FSTL5: variants seen among roughly 807,000 people sequenced by gnomAD.
The protein encoded by FSTL5 is follistatin-related protein 5.
In FSTL5, 62 loss-of-function variants were observed where a neutral mutation model predicts 89.1. That is an observed-to-expected ratio of 0.70 (90% CI 0.57 to 0.86). The LOEUF (loss-of-function observed/expected upper bound fraction) is 0.86, where lower values mean the gene tolerates loss of function less well. Among genes scored for constraint, FSTL5 ranks in the 40% least tolerant of loss-of-function variants. The pLI, the probability that FSTL5 is intolerant of heterozygous loss-of-function variation, is 0.00. For synonymous variants in FSTL5, 383 were observed against 346.2 expected (o/e 1.11, Z -1.18); for missense variants, 1,057 against 1,001.6 (o/e 1.06, Z -0.75).
At chr4:161,686,326 A>T (rs1403784611) in intron 6 of FSTL5, among the ~76,000 whole-genome samples, 3 of 10,508 alleles carry the variant, frequency 2.9e-4, no homozygotes, top group Non-Finnish European at 4.7e-4. Context: ...ATATATATAT[A>T]TATATATATA....
At chr4:162,063,882 G>C (rs1738801451) in intron 2 of FSTL5, among the ~76,000 whole-genome samples, 1 of 151,906 alleles carries the variant, frequency 6.6e-6, no homozygotes, top group Non-Finnish European at 1.5e-5. Flanking sequence ...CTCCTTGAAA[G>C]TGTTTCATTC....
intron 12 of FSTL5, among the ~76,000 whole-genome samples, chr4:161,485,012 A>G (rs904925494): frequency 1.3e-5 from 2 of 152,166 alleles, no homozygotes; most frequent in African/African-American, 4.8e-5. Context: ...AAGGAGTACA[A>G]TTTCATGACA....
At chr4:161,474,700 C>T (rs1734066894) in intron 13 of FSTL5, among the ~76,000 whole-genome samples, 1 of 151,996 alleles carries the variant, frequency 6.6e-6, no homozygotes, top group Admixed American at 6.6e-5. Context: ...CACCCGCCAC[C>T]ACGCCTGGCT....
At chr4:161,506,059 G>A (rs1730468533) in intron 11 of FSTL5, among the ~76,000 whole-genome samples, 1 of 151,790 alleles carries the variant, frequency 6.6e-6, no homozygotes, top group Non-Finnish European at 1.5e-5. Context: ...TACTTTTATA[G>A]GCCCTGTTAT....
At chr4:161,912,376 T>C (rs959011593) in intron 4 of FSTL5, among the ~76,000 whole-genome samples, 1 of 152,130 alleles carries the variant, frequency 6.6e-6, no homozygotes, top group African/African-American at 2.4e-5. Context: ...CATGTGTTGT[T>C]GGAGGGACCC....
chr4:161,677,121 T>C (rs777970849), intron 6 of FSTL5, among the ~76,000 whole-genome samples: 5 of 152,074 alleles, frequency 3.3e-5, no homozygotes, highest in Non-Finnish European at 7.4e-5. Context: ...AGGGAATTTA[T>C]ATGTAACTGA....
At chr4:161,987,810 C>A (rs1377532484) in intron 3 of FSTL5, among the ~76,000 whole-genome samples, 1 of 151,524 alleles carries the variant, frequency 6.6e-6, no homozygotes, top group Non-Finnish European at 1.5e-5. Flanking sequence ...CTGAGCACAC[C>A]TTCAACTAAA....
At chr4:161,912,978 T>C (rs921396323) in intron 4 of FSTL5, among the ~76,000 whole-genome samples, 8 of 152,134 alleles carry the variant, frequency 5.3e-5, no homozygotes, top group African/African-American at 9.7e-5. Flanking sequence ...CCCCAGAAAT[T>C]TGTGGAACTC....
intron 7 of FSTL5, among the ~76,000 whole-genome samples, chr4:161,640,764 C>T (rs977262380): frequency 7.5e-6 from 1 of 133,566 alleles, no homozygotes; most frequent in Non-Finnish European, 1.5e-5. Flanking sequence ...GCAGAAAACT[C>T]TCCCAATTTA....
Position 162,112,769 on chromosome 4 carries a change from A to ACACAAT in FSTL5, c.-16-1363_-16-1358dup, listed in dbSNP as rs1038284705. ...TTTTTAGCTTTCTCAAAGCTAACCG[A>ACACAAT]CACAATCACACACACACACACACAC... On this transcript the variant is annotated intron_variant, in intron 1 of 15. Transcript: ENST00000306100. 7.8e-5 allele frequency among the ~76,000 whole-genome samples: 10 copies of ACACAAT among 128,686 alleles called. No individual in the cohort carries two copies. In the South Asian group the frequency reaches 1.6e-3, roughly 21 times the overall value. 84.4% of individuals were successfully genotyped at this position (128,686 alleles called of 152,430 possible).
At chr4:161,945,395 T>G (rs1734707518) in intron 3 of FSTL5, among the ~76,000 whole-genome samples, 1 of 152,172 alleles carries the variant, frequency 6.6e-6, no homozygotes. Context: ...ATAGATTTTC[T>G]CTAGATCCTT....
At chr4:161,777,006 C>T (rs1435471383) in intron 4 of FSTL5, among the ~76,000 whole-genome samples, 1 of 151,784 alleles carries the variant, frequency 6.6e-6, no homozygotes, top group Non-Finnish European at 1.5e-5. Flanking sequence ...ACTAACCCAT[C>T]TTTATTCTCC....
At chr4:161,541,368 T>A (rs1731812886) in intron 9 of FSTL5, among the ~76,000 whole-genome samples, 1 of 152,094 alleles carries the variant, frequency 6.6e-6, no homozygotes, top group African/African-American at 2.4e-5. Context: ...TATACTTTTA[T>A]AATATGGTTT....
At chr4:161,653,693 AAGAC>A (rs1736415179) in intron 7 of FSTL5, among the ~76,000 whole-genome samples, 1 of 152,182 alleles carries the variant, frequency 6.6e-6, no homozygotes, top group African/African-American at 2.4e-5. Context: ...TATCAAATGA[AAGAC>A]AGTTTAACTG....
chr4:161,743,718 C>T (rs1471032097), intron 6 of FSTL5, among the ~76,000 whole-genome samples: 5 of 151,986 alleles, frequency 3.3e-5, no homozygotes, highest in Admixed American at 2.6e-4. Context: ...CCATAAAATG[C>T]TTACAAATAA....
chr4:162,089,499 G>T (rs1730453489), intron 2 of FSTL5, among the ~76,000 whole-genome samples: 1 of 151,770 alleles, frequency 6.6e-6, no homozygotes, highest in African/African-American at 2.4e-5. Flanking sequence ...CAGACATGGT[G>T]GGGTGCACCT....
At chr4:162,002,594 T>C (rs1281692987) in intron 3 of FSTL5, among the ~76,000 whole-genome samples, 2 of 152,226 alleles carry the variant, frequency 1.3e-5, no homozygotes, top group Non-Finnish European at 2.9e-5. Context: ...GGTAGTCACA[T>C]AGAGGAATGC....
At chr4:161,972,104 T>C (rs1735501172) in intron 3 of FSTL5, among the ~76,000 whole-genome samples, 1 of 152,142 alleles carries the variant, frequency 6.6e-6, no homozygotes, top group African/African-American at 2.4e-5. Flanking sequence ...TGCTTCTTTT[T>C]CTTTTTTGAG....
intron 1 of FSTL5, among the ~76,000 whole-genome samples, chr4:162,157,580 C>T (rs7689130): frequency 0.53 from 80,013 of 151,704 alleles, 21,263 homozygotes; most frequent in Admixed American, 0.59. Context: ...CGTAAAAATT[C>T]CAAGATTAAA....
Sources: allele counts gnomAD v4.1 joint callset (sites outside exome capture counted in the v4.1 genomes callset), GRCh38; gene constraint gnomAD v4.1.1; transcripts MANE v1.5; gene names NCBI Gene and HGNC (gene_info 2026-07-23, HGNC 2026-07-21).